ASAP1: variants seen among roughly 807,000 people sequenced by gnomAD.
The protein encoded by ASAP1 is arf-GAP with SH3 domain, ANK repeat and PH domain-containing protein 1.
Under a neutral mutation model 145.2 loss-of-function variants are expected in ASAP1, and 43 were observed. That is an observed-to-expected ratio of 0.30 (90% CI 0.23 to 0.38). The LOEUF (loss-of-function observed/expected upper bound fraction) is 0.38. Ranked by LOEUF, ASAP1 falls within the 10% of genes least tolerant of loss-of-function variation. ASAP1 has a pLI of 1.00. For synonymous variants in ASAP1, 546 were observed against 515.5 expected (o/e 1.06, Z -0.80); for missense variants, 1,018 against 1,355.3 (o/e 0.75, Z 3.91).
intron 27 of ASAP1, among the ~76,000 whole-genome samples, chr8:130,071,497 A>AGAC (rs1246642122): frequency 2.0e-5 from 3 of 152,196 alleles, no homozygotes; most frequent in Non-Finnish European, 4.4e-5. Context: ...GCTACTTGCT[A>AGAC]GACTTGTATT....
At chr8:130,233,335 G>A (rs143550037) in intron 4 of ASAP1, among the ~76,000 whole-genome samples, 20 of 152,132 alleles carry the variant, frequency 1.3e-4, no homozygotes, top group African/African-American at 4.3e-4. Context: ...AACATGTAGC[G>A]ATTCACTCAA....
chr8:130,329,496 G>C (rs1226636703), intron 3 of ASAP1, among the ~76,000 whole-genome samples: 2 of 152,042 alleles, frequency 1.3e-5, no homozygotes, highest in Non-Finnish European at 2.9e-5. Context: ...AGGTCAGCTG[G>C]TCCAAATCTA....
chr8:130,202,291 T>C (rs1012373253), intron 5 of ASAP1, among the ~76,000 whole-genome samples: 2 of 152,168 alleles, frequency 1.3e-5, no homozygotes, highest in African/African-American at 2.4e-5. Context: ...ACCCCACTTG[T>C]GGGAAACCAA....
intron 27 of ASAP1, among the ~76,000 whole-genome samples, chr8:130,065,632 C>T (rs2097429143): frequency 6.6e-6 from 1 of 152,160 alleles, no homozygotes; most frequent in South Asian, 2.1e-4. Flanking sequence ...ATCTACAGCT[C>T]CATAGGCCAT....
At chr8:130,067,368 A>T (rs2097432902) in intron 27 of ASAP1, among the ~76,000 whole-genome samples, 1 of 152,110 alleles carries the variant, frequency 6.6e-6, no homozygotes, top group South Asian at 2.1e-4. Context: ...TCCCTAAAGG[A>T]ACTCAGATCC....
intron 24 of ASAP1, among the ~76,000 whole-genome samples, chr8:130,110,137 CAA>C (rs2097544266): frequency 6.6e-6 from 1 of 152,106 alleles, no homozygotes; most frequent in Non-Finnish European, 1.5e-5. Context: ...ATGCCTGGCA[CAA>C]AGTCAGACAG....
chr8:130,392,035 G>A (rs1368442208), intron 2 of ASAP1, among the ~76,000 whole-genome samples: 8 of 152,216 alleles, frequency 5.3e-5, no homozygotes, highest in Admixed American at 5.2e-4. Flanking sequence ...CTTACGTTCT[G>A]CCTCATGCCA....
intron 3 of ASAP1, among the ~76,000 whole-genome samples, chr8:130,279,291 C>T (rs1565165605): frequency 6.6e-6 from 1 of 152,114 alleles, no homozygotes; most frequent in Non-Finnish European, 1.5e-5. Flanking sequence ...ACACCCAGCA[C>T]TAGGGGTTCT....
chr8:130,389,195 A>G (rs1828160996), intron 2 of ASAP1, among the ~76,000 whole-genome samples: 1 of 152,204 alleles, frequency 6.6e-6, no homozygotes, highest in African/African-American at 2.4e-5. Flanking sequence ...GTATTGTCTC[A>G]GGTAGAAGCT....
chr8:130,071,033 A>G (rs1289574719), intron 27 of ASAP1, among the ~76,000 whole-genome samples: 1 of 98,694 alleles, frequency 1.0e-5, no homozygotes, highest in South Asian at 3.0e-4. Flanking sequence ...AGAGAGAGAG[A>G]GAGAGAGAGA....
At chr8:130,164,911 G>C (rs938332912) in intron 11 of ASAP1, among the ~76,000 whole-genome samples, 1 of 152,184 alleles carries the variant, frequency 6.6e-6, no homozygotes, top group African/African-American at 2.4e-5. Flanking sequence ...ACCATGGTCA[G>C]AACTCTCTGT....
chr8:130,320,505 C>T (rs911958186), intron 3 of ASAP1, among the ~76,000 whole-genome samples: 22 of 151,756 alleles, frequency 1.4e-4, no homozygotes, highest in Non-Finnish European at 7.4e-5. Context: ...CAGCGAGCAC[C>T]ACTACACTCC....
At chr8:130,113,348 C>G (rs1357337758) in intron 23 of ASAP1, among the ~76,000 whole-genome samples, 1 of 152,118 alleles carries the variant, frequency 6.6e-6, no homozygotes, top group Non-Finnish European at 1.5e-5. Flanking sequence ...ATGATGCATT[C>G]CACCCCACTT....
At chr8:130,072,831 G>GCGTGTGCGTGC (rs58907739) in intron 27 of ASAP1, among the ~76,000 whole-genome samples, 1 of 110,706 alleles carries the variant, frequency 9.0e-6, no homozygotes, top group Non-Finnish European at 2.0e-5. Context: ...GTGTGCGCGC[G>GCGTGTGCGTGC]GGGGGGGGCA....
intron 12 of ASAP1, among the ~76,000 whole-genome samples, chr8:130,156,965 G>C (rs892628479): frequency 6.6e-6 from 1 of 152,200 alleles, no homozygotes; most frequent in Admixed American, 6.5e-5. Context: ...GATTTCGGGA[G>C]AGTAGTGTTA....
chr8:130,332,637 T>C (rs1824768319), intron 3 of ASAP1, among the ~76,000 whole-genome samples: 1 of 152,244 alleles, frequency 6.6e-6, no homozygotes, highest in African/African-American at 2.4e-5. Flanking sequence ...TCTGGATTTT[T>C]TCCCTCTTCT....
chr8:130,122,197 T>G (rs1259873996), intron 18 of ASAP1, among the ~76,000 whole-genome samples: 3 of 152,218 alleles, frequency 2.0e-5, no homozygotes, highest in African/African-American at 7.2e-5. Flanking sequence ...TCATAACACC[T>G]AATACAATGT....
chr8:130,332,899 T>C (rs1824787445), intron 3 of ASAP1, among the ~76,000 whole-genome samples: 1 of 150,072 alleles, frequency 6.7e-6, no homozygotes, highest in African/African-American at 2.5e-5. Context: ...AAGAAATCTA[T>C]AACAGCTAAA....
chr8:130,320,056 C>T (rs1291838483), intron 3 of ASAP1, among the ~76,000 whole-genome samples: 1 of 152,112 alleles, frequency 6.6e-6, no homozygotes, highest in Non-Finnish European at 1.5e-5. Flanking sequence ...CTTCTTTGTA[C>T]TTTTCTGTAT....
Sources: gnomAD v4.1 joint callset for allele counts (sites outside exome capture counted in the v4.1 genomes callset) on GRCh38, gnomAD v4.1.1 for gene constraint, MANE v1.5 for transcripts, NCBI Gene and HGNC (gene_info 2026-07-23, HGNC 2026-07-21) for gene names.